The following RBFOX1 variants were observed in gnomAD, a reference collection of about 807,000 sequenced individuals.
RBFOX1 encodes the protein RNA binding protein fox-1 homolog 1.
A neutral mutation model predicts 57.7 loss-of-function variants in RBFOX1; 8 were observed. That is an observed-to-expected ratio of 0.14 (90% CI 0.08 to 0.25). The LOEUF is 0.25. RBFOX1 is among the 10% of genes least tolerant of loss of function. RBFOX1 has a pLI of 1.00. For missense variants in RBFOX1, 611 were observed against 548.5 expected, an observed-to-expected ratio of 1.11 and a Z score of -1.14; for synonymous variants, 326 against 222.4, an observed-to-expected ratio of 1.47 and a Z score of -4.15.
At position 5,392,797 on chromosome 16, in the gene RBFOX1, G is replaced by A. The variant is rs117792820; in HGVS notation, c.220-74419G>A. 3.3e-5 allele frequency among the ~76,000 whole-genome samples: 5 copies of A among 152,176 alleles called. No individual in the cohort carries two copies. In the East Asian group the frequency reaches 7.7e-4, roughly 24 times the overall value. On this transcript the variant is annotated intron_variant, in intron 1 of 2. Transcript: ENST00000585867. ...CCATCCCTGGGTCTGTTGTACACTCGCCCCTGACCCTGTGGGCAGCAGGAG... is the reference window on the plus strand; with the variant it reads ...CCATCCCTGGGTCTGTTGTACACTCACCCCTGACCCTGTGGGCAGCAGGAG...
At chr16:5,648,072 C>T (rs926842591) in intron 3 of RBFOX1, among the ~76,000 whole-genome samples, 8 of 152,180 alleles carry the variant, frequency 5.3e-5, no homozygotes, top group African/African-American at 1.9e-4. Flanking sequence ...ATTGGCCAGG[C>T]TGTTCTCAAA....
chr16:7,610,775 C>G (rs913702773), intron 10 of RBFOX1, among the ~76,000 whole-genome samples: 8 of 152,208 alleles, frequency 5.3e-5, no homozygotes, highest in African/African-American at 1.9e-4. Context: ...TTTCAGGCAC[C>G]TGCATCTATG....
At chr16:6,912,845 C>G (rs954501902) in intron 3 of RBFOX1, among the ~76,000 whole-genome samples, 25 of 151,992 alleles carry the variant, frequency 1.6e-4, no homozygotes, top group African/African-American at 6.0e-4. Flanking sequence ...GACTCAAACT[C>G]CTGAGCTCAA....
rs140116297 is a variant in RBFOX1, at chr16:5,674,793, T to C, written c.318+75832T>C. Among the ~76,000 whole-genome samples the C allele has an allele frequency of 5.9e-3, 901 of 152,294 alleles. 12 individuals carry two copies. The highest frequency in any genetic ancestry group is 0.041 in the South Asian group (197 of 4,822). Reference sequence around the variant, plus strand: ...TTTCCTTCCCTATGGTGAAAATCTGTTGGACAGATTCAGATATATAATGCT... The same window carrying C: ...TTTCCTTCCCTATGGTGAAAATCTGCTGGACAGATTCAGATATATAATGCT... On this transcript the variant is annotated intron_variant, in intron 3 of 19. Transcript: ENST00000641259.
intron 4 of RBFOX1, among the ~76,000 whole-genome samples, chr16:7,292,270 G>A (rs1308233877): frequency 1.1e-4 from 12 of 110,116 alleles, no homozygotes; most frequent in South Asian, 5.4e-4. Context: ...GATATAGAAC[G>A]TATTATATAT....
chr16:5,407,382 A>G (rs966038217), intron 1 of RBFOX1, among the ~76,000 whole-genome samples: 1 of 152,100 alleles, frequency 6.6e-6, no homozygotes, highest in South Asian at 2.1e-4. Context: ...GTAGTGAGGC[A>G]TGGAGGGGCT....
At chr16:6,946,040 C>A (rs536933218) in intron 3 of RBFOX1, among the ~76,000 whole-genome samples, 1 of 152,330 alleles carries the variant, frequency 6.6e-6, no homozygotes, top group East Asian at 1.9e-4. Context: ...AGATGCTTCA[C>A]TGGAAATGTG....
chr16:7,533,577 A>G (rs1031454155), intron 5 of RBFOX1, among the ~76,000 whole-genome samples: 8 of 152,228 alleles, frequency 5.3e-5, no homozygotes, highest in Non-Finnish European at 1.2e-4. Flanking sequence ...AAAGATACAC[A>G]GAACACTTGT....
intron 2 of RBFOX1, among the ~76,000 whole-genome samples, chr16:6,374,006 G>A (rs151299742): frequency 2.6e-5 from 4 of 152,174 alleles, no homozygotes; most frequent in Non-Finnish European, 5.9e-5. Context: ...ATAGTGCTCA[G>A]CTTGGCGTAA....
At chr16:5,293,601 T>C (rs2151180329) in intron 1 of RBFOX1, among the ~76,000 whole-genome samples, 1 of 152,272 alleles carries the variant, frequency 6.6e-6, no homozygotes, top group East Asian at 1.9e-4. Context: ...ATAGCACATT[T>C]TGTTTATTCA....
upstream of RBFOX1, among the ~76,000 whole-genome samples, chr16:6,017,518 G>GA (rs938069967): frequency 6.6e-5 from 10 of 150,692 alleles, no homozygotes; most frequent in African/African-American, 1.2e-4. Flanking sequence ...CTAGTATAAA[G>GA]AAAAAAAAAT....
chr16:5,971,546 G>A (rs1021507677), intron 4 of RBFOX1, among the ~76,000 whole-genome samples: 29 of 152,062 alleles, frequency 1.9e-4, no homozygotes, highest in Non-Finnish European at 1.2e-4. Flanking sequence ...AATAATTGGG[G>A]CAGCATCATA....
intron 3 of RBFOX1, among the ~76,000 whole-genome samples, chr16:7,045,361 A>C (rs2047551981): frequency 6.6e-6 from 1 of 152,114 alleles, no homozygotes; most frequent in South Asian, 2.1e-4. Flanking sequence ...AACACAACAA[A>C]AACAAACATG....
At position 5,624,430 on chromosome 16, in the gene RBFOX1, C is replaced by A. The variant is rs529545529; in HGVS notation, c.318+25469C>A. Reference sequence around the variant, plus strand: ...GCCAGGATGGTCTGGATCTCCTGACCTCGTGATCCGCCCGCCTCGGCCTCC... The same window carrying A: ...GCCAGGATGGTCTGGATCTCCTGACATCGTGATCCGCCCGCCTCGGCCTCC... On this transcript the variant is annotated intron_variant, in intron 3 of 19. Transcript: ENST00000641259. Among the ~76,000 whole-genome samples, 13 of 152,330 alleles carry A rather than the reference C, an allele frequency of 8.5e-5. No homozygotes were observed. In the South Asian group the frequency reaches 2.7e-3, roughly 32 times the overall value.
chr16:5,902,410 A>G (rs2058325427), intron 4 of RBFOX1, among the ~76,000 whole-genome samples: 2 of 151,902 alleles, frequency 1.3e-5, no homozygotes, highest in African/African-American at 4.8e-5. Flanking sequence ...TAATTAATTA[A>G]TTTATTTTTA....
chr16:6,363,141 C>G (rs1167623387), intron 2 of RBFOX1, among the ~76,000 whole-genome samples: 1 of 152,162 alleles, frequency 6.6e-6, no homozygotes, highest in Non-Finnish European at 1.5e-5. Context: ...CATTAAGTAA[C>G]TCAATTGGCT....
chr16:7,695,362 G>A (rs11077213), intron 14 of RBFOX1, among the ~76,000 whole-genome samples: 147,234 of 152,222 alleles, frequency 0.97, 71,290 homozygotes, highest in Middle Eastern at 0.99. Flanking sequence ...CGTGGTTTCA[G>A]TGAAAGCCTT....
At chr16:6,093,116 G>C (rs1274845629) in intron 1 of RBFOX1, among the ~76,000 whole-genome samples, 1 of 152,100 alleles carries the variant, frequency 6.6e-6, no homozygotes, top group Non-Finnish European at 1.5e-5. Context: ...CAAGAAAACT[G>C]GTTGGCTATC....
intron 11 of RBFOX1, among the ~76,000 whole-genome samples, chr16:7,631,561 T>C (rs118033809): frequency 8.5e-5 from 13 of 152,274 alleles, no homozygotes; most frequent in Non-Finnish European, 1.6e-4. Context: ...TGTGTGTAAA[T>C]CCTGTGGAGT....
Sources: gnomAD v4.1 joint callset for allele counts (sites outside exome capture counted in the v4.1 genomes callset) on GRCh38, gnomAD v4.1.1 for gene constraint, MANE v1.5 for transcripts, NCBI Gene and HGNC (gene_info 2026-07-23, HGNC 2026-07-21) for gene names.